Variants in ZNF618 observed in about 807,000 individuals in gnomAD.
ZNF618 encodes the protein zinc finger protein 618, also known as neural precursor cell expressed, developmentally down-regulated 10.
ZNF618 carries 34 observed loss-of-function variants against 103.0 expected under a neutral mutation model. The ratio of observed to expected loss-of-function variants is 0.33; its 90% CI spans 0.25 to 0.44. The LOEUF is 0.44. Ranked by LOEUF, ZNF618 falls within the 20% of genes least tolerant of loss-of-function variation. The pLI is 1.00. For missense variants in ZNF618, 1,059 were observed against 1,295.4 expected, an observed-to-expected ratio of 0.82 and a Z score of 2.80; for synonymous variants, 551 against 542.2, an observed-to-expected ratio of 1.02 and a Z score of -0.23.
intron 1 of ZNF618, among the ~76,000 whole-genome samples, chr9:113,963,284 G>T (rs559325181): frequency 9.2e-5 from 14 of 152,194 alleles, no homozygotes; most frequent in Non-Finnish European, 1.8e-4. Flanking sequence ...AAGGTTAATT[G>T]TACCAGCTGG....
intron 1 of ZNF618, among the ~76,000 whole-genome samples, chr9:113,927,422 C>T (rs1833202489): frequency 6.6e-6 from 1 of 152,190 alleles, no homozygotes; most frequent in Non-Finnish European, 1.5e-5. Flanking sequence ...GTAGTTCTTT[C>T]AGCTGTGATC....
chr9:114,031,428 G>A (rs963026769), intron 11 of ZNF618, among the ~76,000 whole-genome samples: 2 of 152,210 alleles, frequency 1.3e-5, no homozygotes, highest in Non-Finnish European at 2.9e-5. Context: ...CAGGGGTCGG[G>A]GGGAGGTGGG....
intron 1 of ZNF618, among the ~76,000 whole-genome samples, chr9:113,947,017 CACAG>C (rs1564201275): frequency 6.6e-6 from 1 of 152,182 alleles, no homozygotes; most frequent in Non-Finnish European, 1.5e-5. Context: ...TTGGGGACGA[CACAG>C]ACAGCATCTC....
chr9:114,032,667 A>C lies in ZNF618; in HGVS notation c.1107A>C (p.Arg369Ser). 6.2e-7 allele frequency: 1 copy of C among 1,613,976 alleles called. No individual in the cohort carries two copies. The highest frequency in any genetic ancestry group is 8.5e-7 in the Non-Finnish European group (1 of 1,179,884). ...ATAAESAFSR[R>S]VEGKAQNHFE... ...CAGCAGAAAGCGCTTTCAGTCGGAGAGTAGAAGGCAAAGCACAAAACCACT... is the reference window on the plus strand; with the variant it reads ...CAGCAGAAAGCGCTTTCAGTCGGAGCGTAGAAGGCAAAGCACAAAACCACT... The change falls in exon 12 of 15, where the codon AGA becomes AGC. Residue 369 changes from arginine (R) to serine (S), a missense_variant. Around this residue, in one of 6 missense-constraint regions of ZNF618, gnomAD observed 434 missense variants for 476.0 expected, o/e 0.91. Coordinates refer to ENST00000374126, the MANE Select transcript of ZNF618 (RefSeq NM_001318042.2).
At chr9:113,923,238 A>AT (rs569227434) in intron 1 of ZNF618, among the ~76,000 whole-genome samples, 415 of 152,138 alleles carry the variant, frequency 2.7e-3, no homozygotes, top group African/African-American at 9.5e-3. Context: ...GAATAAAGAA[A>AT]TTTTTTTTGT....
At chr9:113,986,228 C>T (rs550438832) in intron 2 of ZNF618, among the ~76,000 whole-genome samples, 8 of 152,290 alleles carry the variant, frequency 5.3e-5, no homozygotes, top group Non-Finnish European at 7.3e-5. Context: ...TTGCAGACGG[C>T]GAAACCAAGG....
intron 3 of ZNF618, among the ~76,000 whole-genome samples, chr9:113,994,482 G>A (rs1275171143): frequency 6.6e-6 from 1 of 152,232 alleles, no homozygotes; most frequent in Non-Finnish European, 1.5e-5. Context: ...TGAAGGGTTA[G>A]AGGGTCCCTG....
chr9:113,921,754 C>CT (rs1220253305), intron 1 of ZNF618, among the ~76,000 whole-genome samples: 1 of 152,128 alleles, frequency 6.6e-6, no homozygotes, highest in Non-Finnish European at 1.5e-5. Flanking sequence ...AGATCAAATC[C>CT]TTTTTTTGAC....
chr9:113,893,031 TAGC>T (rs922601028), intron 1 of ZNF618, among the ~76,000 whole-genome samples: 1 of 152,248 alleles, frequency 6.6e-6, no homozygotes, highest in Non-Finnish European at 1.5e-5. Context: ...ACTTACGAAA[TAGC>T]AGATAAATTA....
At chr9:114,010,079 A>G (rs1842100191) in intron 9 of ZNF618, among the ~76,000 whole-genome samples, 1 of 152,112 alleles carries the variant, frequency 6.6e-6, no homozygotes, top group South Asian at 2.1e-4. Flanking sequence ...GGAGGCCAAG[A>G]TGGGCGGATC....
intron 13 of ZNF618, among the ~76,000 whole-genome samples, chr9:114,043,843 A>G (rs1407032273): frequency 6.6e-6 from 1 of 152,070 alleles, no homozygotes; most frequent in Non-Finnish European, 1.5e-5. Flanking sequence ...TCATTTGTAT[A>G]TCTTCTTTTG....
chr9:113,990,019 A>T (rs1427989831), intron 3 of ZNF618, among the ~76,000 whole-genome samples: 4 of 152,202 alleles, frequency 2.6e-5, no homozygotes, highest in Non-Finnish European at 5.9e-5. Context: ...TGAACCTTCT[A>T]GCCCCATTTC....
rs1169748614 is a variant in ZNF618, at chr9:114,032,666, G to C, written c.1106G>C (p.Arg369Thr). 1 of 1,613,914 alleles carries C rather than the reference G, an allele frequency of 6.2e-7. No homozygotes were observed. Among genetic ancestry groups the C allele is most frequent in the African/African-American group, 1.3e-5 (1 of 74,932 alleles). Residue 369 changes from arginine to threonine, a missense_variant, in exon 12 of 15, where the codon AGA (arginine) becomes ACA (threonine). Physicochemically the swap from Arg to Thr is moderately conservative, Grantham distance 71. Coordinates refer to ENST00000374126, the MANE Select transcript of ZNF618 (RefSeq NM_001318042.2). Reference protein sequence around the residue: ...ATAAESAFSRRVEGKAQNHFE... With the variant: ...ATAAESAFSRTVEGKAQNHFE... ...CCAGCAGAAAGCGCTTTCAGTCGGA[G>C]AGTAGAAGGCAAAGCACAAAACCAC...
chr9:113,985,978 A>G (rs1457733637), intron 2 of ZNF618, among the ~76,000 whole-genome samples: 1 of 152,232 alleles, frequency 6.6e-6, no homozygotes, highest in Non-Finnish European at 1.5e-5. Flanking sequence ...TGAATCATGC[A>G]GTTTTACACT....
At chr9:113,880,692 T>C (rs1338050431) in intron 1 of ZNF618, among the ~76,000 whole-genome samples, 2 of 152,122 alleles carry the variant, frequency 1.3e-5, no homozygotes, top group Non-Finnish European at 2.9e-5. Flanking sequence ...GAACAAAAAA[T>C]AGCAGAGGCA....
At chr9:113,938,567 T>TTC (rs199991133) in intron 1 of ZNF618, among the ~76,000 whole-genome samples, 2,625 of 85,742 alleles carry the variant, frequency 0.031, 145 homozygotes, top group African/African-American at 0.065. Flanking sequence ...ATATTTTCTT[T>TTC]TTTTCTTTTT....
chr9:113,876,321 C>T lies in ZNF618; in HGVS notation c.-60C>T, dbSNP rs1239060081. 2.7e-6 allele frequency: 3 copies of T among 1,117,860 alleles called. No homozygotes were observed. Among genetic ancestry groups the T allele is most frequent in the Admixed American group, 5.1e-5 (1 of 19,684 alleles). 69.2% of individuals were successfully genotyped at this position (1,117,860 alleles called of 1,614,324 possible). On this transcript the variant is annotated 5_prime_UTR_variant, in exon 1 of 15. Coordinates refer to ENST00000374126, the MANE Select transcript of ZNF618 (RefSeq NM_001318042.2). Reference sequence around the variant, plus strand: ...CGGCGGCGGCGGCATTGTGCGCGCACCAGCAGCCCGGCCCGGGAGGAGCAG... The same window carrying T: ...CGGCGGCGGCGGCATTGTGCGCGCATCAGCAGCCCGGCCCGGGAGGAGCAG...
At chr9:113,882,446 C>T (rs1445004965) in intron 1 of ZNF618, among the ~76,000 whole-genome samples, 2 of 152,096 alleles carry the variant, frequency 1.3e-5, no homozygotes, top group Non-Finnish European at 2.9e-5. Context: ...AGTAGGTGGT[C>T]GACGCATGTG....
intron 1 of ZNF618, among the ~76,000 whole-genome samples, chr9:113,935,590 C>A (rs1833956686): frequency 6.6e-6 from 1 of 152,178 alleles, no homozygotes; most frequent in South Asian, 2.1e-4. Flanking sequence ...GAATTTGTTC[C>A]TCCTGCTGGC....
Sources: allele counts gnomAD v4.1 joint callset (sites outside exome capture counted in the v4.1 genomes callset), GRCh38; gene constraint gnomAD v4.1.1; regional missense constraint gnomAD v4.1.1; transcripts MANE v1.5; gene names NCBI Gene and HGNC (gene_info 2026-07-23, HGNC 2026-07-21).